The following DISC1 variants were observed in gnomAD, a reference collection of about 807,000 sequenced individuals.
DISC1 encodes disrupted in schizophrenia 1 protein.
Under a neutral mutation model 84.5 loss-of-function variants are expected in DISC1, and 57 were observed. The ratio of observed to expected loss-of-function variants is 0.67; its 90% CI spans 0.55 to 0.84. DISC1 has a LOEUF of 0.84. Ranked by LOEUF, DISC1 falls within the 40% of genes least tolerant of loss-of-function variation. The pLI is 0.00. For synonymous variants in DISC1, 411 were observed against 415.2 expected, an observed-to-expected ratio of 0.99 and a Z score of 0.12; for missense variants, 1,000 against 1,057.8, an observed-to-expected ratio of 0.95 and a Z score of 0.76.
intron 6 of DISC1, among the ~76,000 whole-genome samples, chr1:231,791,340 G>A (rs1025732012): frequency 6.6e-6 from 1 of 152,148 alleles, no homozygotes; most frequent in African/African-American, 2.4e-5. Context: ...GACTGCCTGG[G>A]TTACTGTTTA....
intron 9 of DISC1, among the ~76,000 whole-genome samples, chr1:231,951,503 G>A (rs907147539): frequency 6.6e-6 from 1 of 152,166 alleles, no homozygotes; most frequent in Non-Finnish European, 1.5e-5. Context: ...GCATCAGCTA[G>A]CATGGAAAAT....
In DISC1 at chr1:231,652,811, G is replaced by T. The variant is rs538650261; in HGVS notation, c.67+25877G>T. ...TCTTTTTTTTCTGAGATGGAGGCTC[G>T]CTCTGTCGCCCAGGCTGGAGTGCAG... On this transcript the variant is annotated intron_variant, in intron 1 of 12. Transcript: ENST00000439617. Among the ~76,000 whole-genome samples the T allele has an allele frequency of 8.5e-5, 13 of 152,062 alleles. No individual in the cohort carries two copies. In the South Asian group the frequency reaches 2.7e-3, roughly 32 times the overall value.
At chr1:231,879,708 CA>C (rs2086155077) in intron 9 of DISC1, among the ~76,000 whole-genome samples, 1 of 151,816 alleles carries the variant, frequency 6.6e-6, no homozygotes, top group Non-Finnish European at 1.5e-5. Context: ...GGAGAGGTGA[CA>C]AGAATGACCC....
intron 1 of DISC1, among the ~76,000 whole-genome samples, chr1:231,669,714 A>G (rs182214274): frequency 3.5e-4 from 53 of 152,212 alleles, no homozygotes; most frequent in African/African-American, 1.1e-3. Flanking sequence ...ATTAAAAAGT[A>G]AAAGAATAAC....
chr1:231,765,182 C>A (rs2076069021), intron 4 of DISC1, among the ~76,000 whole-genome samples: 1 of 117,494 alleles, frequency 8.5e-6, no homozygotes, highest in Non-Finnish European at 1.7e-5. Flanking sequence ...AGAGCTAGAC[C>A]TTGTCCACCC....
At chr1:231,888,188 G>C (rs947355312) in intron 9 of DISC1, among the ~76,000 whole-genome samples, 4 of 152,192 alleles carry the variant, frequency 2.6e-5, no homozygotes, top group African/African-American at 9.6e-5. Flanking sequence ...TCTGGGAAGG[G>C]TACTGAGGGA....
chr1:231,895,715 C>T (rs78748247), intron 9 of DISC1, among the ~76,000 whole-genome samples: 4,739 of 151,934 alleles, frequency 0.031, 162 homozygotes, highest in African/African-American at 0.084. Flanking sequence ...TATCTTTCCC[C>T]GTTTTGGAAT....
chr1:231,753,135 C>T, intron 4 of DISC1, among the ~76,000 whole-genome samples: 1 of 152,242 alleles, frequency 6.6e-6, no homozygotes, highest in East Asian at 1.9e-4. Flanking sequence ...CCCCTTCTCA[C>T]AGCTCCACTA....
chr1:231,998,103 G>T (rs1026157483), intron 10 of DISC1, among the ~76,000 whole-genome samples: 2 of 152,178 alleles, frequency 1.3e-5, no homozygotes, highest in Non-Finnish European at 2.9e-5. Flanking sequence ...AGAATGCAAA[G>T]TTTAATTATT....
At chr1:232,008,059 C>T (rs995537096) in intron 10 of DISC1, among the ~76,000 whole-genome samples, 9 of 152,166 alleles carry the variant, frequency 5.9e-5, no homozygotes, top group Non-Finnish European at 1.2e-4. Context: ...TTGAGGCCTC[C>T]CCAGCCACAC....
At chr1:231,674,691 G>A (rs1158007506) in intron 1 of DISC1, among the ~76,000 whole-genome samples, 2 of 152,266 alleles carry the variant, frequency 1.3e-5, no homozygotes, top group Non-Finnish European at 2.9e-5. Context: ...GTTAGGTTAA[G>A]CATTGTAGGA....
chr1:231,958,860 A>G lies in DISC1; in HGVS notation c.2014A>G (p.Met672Val), dbSNP rs569395146. The G allele has an allele frequency of 5.6e-6, 9 of 1,613,760 alleles. No individual in the cohort carries two copies. Among genetic ancestry groups the G allele is most frequent in the African/African-American group, 2.7e-5 (2 of 74,948 alleles). Residue 672 changes from methionine to valine, a missense_variant, in exon 10 of 13, where the codon ATG becomes GTG. Physicochemically the swap from Met to Val is conservative, Grantham distance 21. This residue lies in a region of DISC1 where 397 missense variants were observed against 377.5 expected (regional missense o/e 1.05). Transcript: ENST00000439617. ...TSVKENTMKY[M>V]ETLKNKLCSC... ...TGTGAAGGAAAATACTATGAAGTAC[A>G]TGGAAACACTTAAGAATAAACTGTG...
intron 6 of DISC1, among the ~76,000 whole-genome samples, chr1:231,778,657 C>T (rs2125509848): frequency 6.6e-6 from 1 of 152,218 alleles, no homozygotes; most frequent in South Asian, 2.1e-4. Context: ...AAAAGTTTAC[C>T]AGACTATAAT....
At chr1:231,950,407 G>A (rs12137417) in intron 9 of DISC1, among the ~76,000 whole-genome samples, 26,706 of 151,988 alleles carry the variant, frequency 0.18, 3,277 homozygotes, top group East Asian at 0.69. Context: ...AGTTATATGC[G>A]CCAGAAAGCA....
intron 9 of DISC1, among the ~76,000 whole-genome samples, chr1:231,866,038 A>C (rs1379909502): frequency 6.6e-6 from 1 of 152,166 alleles, no homozygotes; most frequent in Admixed American, 6.5e-5. Context: ...TTGTCATGGC[A>C]AAAAAGGACA....
intron 10 of DISC1, among the ~76,000 whole-genome samples, chr1:231,994,137 T>A (rs959850595): frequency 1.3e-5 from 2 of 152,166 alleles, no homozygotes; most frequent in Admixed American, 6.5e-5. Context: ...GTTTGGTGAG[T>A]CATAAATTTG....
intron 1 of DISC1, among the ~76,000 whole-genome samples, chr1:231,689,395 GGTC>G (rs1489164095): frequency 1.3e-5 from 2 of 151,638 alleles, no homozygotes; most frequent in Non-Finnish European, 2.9e-5. Context: ...GCAGTGGTGT[GGTC>G]TCGGCTCACT....
At chr1:231,713,518 A>G (rs1196972742) in intron 3 of DISC1, among the ~76,000 whole-genome samples, 1 of 151,986 alleles carries the variant, frequency 6.6e-6, no homozygotes, top group Non-Finnish European at 1.5e-5. Flanking sequence ...GCTGAAATGA[A>G]GAATTTACTA....
rs1670746445 is a variant in DISC1 at position 232,040,656 on chromosome 1, C to T, written c.*3825C>T. On this transcript the variant is annotated 3_prime_UTR_variant, in exon 13 of 13. Transcript: ENST00000439617. ...TTTAATGTCCTTTTGAGATTTTGAGCCATGGAACTTACTTGTTCACCTGGC... is the reference window on the plus strand; with the variant it reads ...TTTAATGTCCTTTTGAGATTTTGAGTCATGGAACTTACTTGTTCACCTGGC... The T allele has an allele frequency of 1.3e-5, 2 of 152,134 alleles. No homozygotes were observed. Among genetic ancestry groups the T allele is most frequent in the South Asian group, 2.1e-4 (1 of 4,832 alleles). The allele number at this position is 152,134 out of a possible 1,614,324, so 9.4% of individuals were successfully genotyped here.
Sources: allele counts gnomAD v4.1 joint callset (sites outside exome capture counted in the v4.1 genomes callset), GRCh38; gene constraint gnomAD v4.1.1; regional missense constraint gnomAD v4.1.1; transcripts MANE v1.5; gene names NCBI Gene and HGNC (gene_info 2026-07-23, HGNC 2026-07-21).